Variants in GARIN2 observed in about 807,000 individuals in gnomAD.
The protein encoded by GARIN2 is Golgi-associated RAB2 interactor protein 2.
chr14:67,211,782 T>A, the GARIN2 span, among the ~76,000 whole-genome samples: 2 of 151,998 alleles, frequency 1.3e-5, no homozygotes, highest in East Asian at 3.9e-4. Context: ...GAGTTTGAAG[T>A]TTTGGTGAGC....
chr14:67,208,316 G>T, the GARIN2 span: 1 of 1,613,930 alleles, frequency 6.2e-7, no homozygotes, highest in South Asian at 1.1e-5. Context: ...GACTTTTGAA[G>T]GTAAAAGATA....
At chr14:67,224,295 G>C in the GARIN2 span, among the ~76,000 whole-genome samples, 5 of 135,770 alleles carry the variant, frequency 3.7e-5, no homozygotes, top group East Asian at 1.1e-3. Flanking sequence ...GTCTTACTCT[G>C]TCGCCCAGGC....
At chr14:67,223,396 T>C in the GARIN2 span, among the ~76,000 whole-genome samples, 2 of 152,346 alleles carry the variant, frequency 1.3e-5, no homozygotes, top group South Asian at 4.1e-4. Context: ...GAGAACATTA[T>C]AGGGAAATGC....
the GARIN2 span, among the ~76,000 whole-genome samples, chr14:67,214,342 A>G: frequency 1.7e-3 from 255 of 152,238 alleles, no homozygotes; most frequent in African/African-American, 5.8e-3. Flanking sequence ...TAATTTTTGT[A>G]TAAGGTGTAA....
chr14:67,208,977 T>C, the GARIN2 span, among the ~76,000 whole-genome samples: 2 of 150,690 alleles, frequency 1.3e-5, no homozygotes, highest in Admixed American at 1.3e-4. Context: ...AGATTTATGA[T>C]GTACCATAAA....
At chr14:67,215,532 A>G in the GARIN2 span, among the ~76,000 whole-genome samples, 3 of 151,878 alleles carry the variant, frequency 2.0e-5, no homozygotes, top group Non-Finnish European at 4.4e-5. Context: ...CAACAACAAC[A>G]GGAGAGAGTG....
chr14:67,206,473 G>C, the GARIN2 span, among the ~76,000 whole-genome samples: 1 of 152,048 alleles, frequency 6.6e-6, no homozygotes, highest in Non-Finnish European at 1.5e-5. Flanking sequence ...TCCAGCCTGG[G>C]CAACAGAGTG....
chr14:67,203,236 A>G, the GARIN2 span: 3 of 1,612,272 alleles, frequency 1.9e-6, no homozygotes, highest in African/African-American at 4.0e-5. Context: ...AAAGATACAG[A>G]AACCCTGTTT....
the GARIN2 span, among the ~76,000 whole-genome samples, chr14:67,195,235 T>C: frequency 0.2 from 29,878 of 152,186 alleles, 4,765 homozygotes; most frequent in East Asian, 0.44. Flanking sequence ...ACCTCAACTT[T>C]GTTCAAAAAG....
the GARIN2 span, among the ~76,000 whole-genome samples, chr14:67,224,259 CTTTTTTTTT>C: frequency 4.3e-4 from 58 of 134,808 alleles, no homozygotes; most frequent in African/African-American, 1.2e-3. Flanking sequence ...TCTCTCTTTT[CTTTTTTTTT>C]TTTTTTTTGA....
the GARIN2 span, chr14:67,223,999 T>TAGTA: frequency 1.0e-6 from 1 of 983,662 alleles, no homozygotes; most frequent in Non-Finnish European, 1.2e-6. Context: ...CTGCTCCCCA[T>TAGTA]AGTAGTAAAA....
At chr14:67,195,710 T>TG in the GARIN2 span, among the ~76,000 whole-genome samples, 6 of 126,922 alleles carry the variant, frequency 4.7e-5, no homozygotes, top group African/African-American at 1.6e-4. Flanking sequence ...GCTTTCTTTT[T>TG]GGTTGTGTGT....
the GARIN2 span, among the ~76,000 whole-genome samples, chr14:67,216,669 T>G: frequency 6.6e-6 from 1 of 152,200 alleles, no homozygotes; most frequent in Non-Finnish European, 1.5e-5. Flanking sequence ...CATTGGTCAT[T>G]TAGGAGCATG....
chr14:67,193,220 C>CTATATATCTCTATATAGACATCTATA, the GARIN2 span, among the ~76,000 whole-genome samples: 2 of 137,084 alleles, frequency 1.5e-5, no homozygotes, highest in African/African-American at 5.3e-5. Context: ...AGACATCTAT[C>CTATATATCTCTATATAGACATCTATA]TATATATCTC....
chr14:67,205,113 T>A, the GARIN2 span: 2 of 1,534,660 alleles, frequency 1.3e-6, no homozygotes, highest in Non-Finnish European at 8.8e-7. Flanking sequence ...AAGACTTTCA[T>A]GCTTTAATAA....
chr14:67,204,456 A>AATATAT, the GARIN2 span: 1 of 1,361,280 alleles, frequency 7.3e-7, no homozygotes, highest in Non-Finnish European at 9.6e-7. Flanking sequence ...CAAACAAACA[A>AATATAT]ATATATATAT....
At chr14:67,204,752 G>T in the GARIN2 span, 1 of 1,613,750 alleles carries the variant, frequency 6.2e-7, no homozygotes, top group African/African-American at 1.3e-5. Flanking sequence ...AGTCTCTCAG[G>T]AATTACGAAT....
At chr14:67,200,119 C>A in the GARIN2 span, 2 of 1,065,284 alleles carry the variant, frequency 1.9e-6, no homozygotes, top group South Asian at 3.1e-5. Context: ...CATGCCCCCC[C>A]GAAGGCCTCC....
the GARIN2 span, chr14:67,221,615 C>G: frequency 5.4e-6 from 3 of 550,944 alleles, no homozygotes; most frequent in Non-Finnish European, 4.6e-6. Flanking sequence ...TAATTTTATT[C>G]TCATATGTTC....
Sources: allele counts gnomAD v4.1 joint callset (sites outside exome capture counted in the v4.1 genomes callset), GRCh38; gene constraint gnomAD v4.1.1; transcripts MANE v1.5; gene names NCBI Gene and HGNC (gene_info 2026-07-23, HGNC 2026-07-21).